Variants in PRH1 observed in about 807,000 individuals in gnomAD.
PRH1 encodes the protein salivary acidic proline-rich phosphoprotein 1/2.
Under a neutral mutation model 7.9 loss-of-function variants are expected in PRH1, and 7 were observed. The ratio of observed to expected loss-of-function variants is 0.89; its 90% CI spans 0.50 to 1.67. The LOEUF (loss-of-function observed/expected upper bound fraction) is 1.67. Ranked by LOEUF, PRH1 falls within the 40% of genes most tolerant of loss-of-function variation. The probability of loss-of-function intolerance (pLI) is 0.00; values close to 1 mark genes in which losing one functional copy is unlikely to be tolerated. For missense variants in PRH1, 109 were observed against 223.6 expected, an observed-to-expected ratio of 0.49 and a Z score of 3.27; for synonymous variants, 45 against 80.8, an observed-to-expected ratio of 0.56 and a Z score of 2.38.
intron 2 of PRH1, among the ~76,000 whole-genome samples, chr12:10,901,726 G>C (rs867440581): frequency 3.9e-5 from 6 of 152,184 alleles, no homozygotes; most frequent in Admixed American, 2.6e-4. Context: ...CCTGCAACCT[G>C]TAAGTGCATA....
intron 1 of PRH1, among the ~76,000 whole-genome samples, chr12:11,068,491 A>G (rs1163522620): frequency 2.0e-5 from 3 of 152,272 alleles, no homozygotes; most frequent in East Asian, 3.9e-4. Context: ...ATTCCATTGT[A>G]TAAGTATGCC....
chr12:11,068,127 C>T lies in PRH1; in HGVS notation n.124-20939G>A, dbSNP rs920247292. On this transcript the variant is annotated intron_variant and non_coding_transcript_variant, in intron 1 of 4. Transcript: ENST00000541977. The stretch of plus-strand genomic sequence containing the variant: ...TATAACATTAACATCGATGTTACCA[C>T]ACCTTGGTCAGAAAATAGAATTTGC... 4.6e-5 allele frequency among the ~76,000 whole-genome samples: 7 copies of T among 152,082 alleles called. No individual in the cohort carries two copies. The East Asian group carries it at 9.6e-4, about 21-fold the overall frequency.
intron 1 of PRH1, among the ~76,000 whole-genome samples, chr12:11,090,198 A>T (rs1264312661): frequency 2.5e-4 from 26 of 103,836 alleles, no homozygotes; most frequent in Non-Finnish European, 4.0e-4. Context: ...AAAATTACAA[A>T]GTTACGGCTC....
chr12:11,088,301 A>C (rs1352998101), intron 1 of PRH1, among the ~76,000 whole-genome samples: 21 of 114,926 alleles, frequency 1.8e-4, no homozygotes, highest in Admixed American at 2.6e-4. Flanking sequence ...TGATCCTGCC[A>C]CTGAACTCCA....
upstream of PRH1, among the ~76,000 whole-genome samples, chr12:11,050,145 A>G (rs1254732833): frequency 1.3e-5 from 2 of 152,116 alleles, no homozygotes; most frequent in Non-Finnish European, 2.9e-5. Context: ...ACACACACAG[A>G]AATATAGTGT....
Position 10,882,695 on chromosome 12 carries a change from C to G in PRH1, c.104G>C (p.Gly35Ala), listed in dbSNP as rs1298570768. The change falls in exon 3 of 4, where the codon GGA (glycine) becomes GCA (alanine). Residue 35 changes from glycine to alanine, a missense_variant. By Grantham distance (60) the Gly-to-Ala change is moderately conservative. Coordinates refer to ENST00000543626, the MANE Select transcript of PRH1 (RefSeq NM_001393989.1). ...QEDVPLVISDGGDSEQFLDEE... is the reference protein window; with the variant it reads ...QEDVPLVISDAGDSEQFLDEE... The stretch of plus-strand genomic sequence containing the variant: ...ATCTAGGAACTGCTCAGAGTCTCCT[C>G]CATCTGTGTGAGTTGAAACAAGAAG... 21 of 1,579,822 alleles carry G rather than the reference C, an allele frequency of 1.3e-5. No individual in the cohort carries two copies. Among genetic ancestry groups the G allele is most frequent in the Non-Finnish European group, 1.8e-5 (21 of 1,165,540 alleles).
Position 10,936,530 on chromosome 12 carries a change from C to T in PRH1, c.-59+37125G>A, listed in dbSNP as rs1488421985. Among the ~76,000 whole-genome samples the T allele has an allele frequency of 2.0e-5, 3 of 152,188 alleles. No individual in the cohort carries two copies. The East Asian group carries it at 5.8e-4, about 29-fold the overall frequency. On this transcript the variant is annotated intron_variant, in intron 2 of 3. Transcript: ENST00000539853. ...CAGGTAACAAACATATATAGTACCCCCAAAACTTTCCTTTATGTTCCTGTG... is the reference window on the plus strand; with the variant it reads ...CAGGTAACAAACATATATAGTACCCTCAAAACTTTCCTTTATGTTCCTGTG...
At chr12:10,898,618 T>C (rs1320810181) in intron 2 of PRH1, among the ~76,000 whole-genome samples, 1 of 152,116 alleles carries the variant, frequency 6.6e-6, no homozygotes, top group Non-Finnish European at 1.5e-5. Context: ...TAATAAAATA[T>C]ATATCATACA....
intron 2 of PRH1, among the ~76,000 whole-genome samples, chr12:10,949,243 G>A (rs1246756642): frequency 2.6e-5 from 4 of 152,200 alleles, no homozygotes; most frequent in African/African-American, 9.6e-5. Context: ...AGTGCAGTCA[G>A]CCCAAGATGG....
At chr12:11,067,322 C>A (rs1943867313) in intron 1 of PRH1, among the ~76,000 whole-genome samples, 1 of 152,140 alleles carries the variant, frequency 6.6e-6, no homozygotes, top group Non-Finnish European at 1.5e-5. Context: ...ACAAATATTT[C>A]ATTTAGAGAC....
At position 10,915,123 on chromosome 12, in the gene PRH1, G is replaced by A. The variant is rs192072137; in HGVS notation, c.-58-30848C>T. 4.6e-5 allele frequency among the ~76,000 whole-genome samples: 7 copies of A among 152,172 alleles called. No homozygotes were observed. The East Asian group carries it at 5.8e-4, about 13-fold the overall frequency. ...AGCCTGGGCCACAGAGTGAGACTCC[G>A]TCTCAAAAAAACAAAAAACAAACAA... On this transcript the variant is annotated intron_variant, in intron 2 of 3. Transcript: ENST00000539853.
In PRH1 at chr12:11,076,227, G is replaced by C. The variant is rs1460481572; in HGVS notation, n.124-29039C>G. 3.4e-5 allele frequency among the ~76,000 whole-genome samples: 5 copies of C among 147,452 alleles called. No individual in the cohort carries two copies. The Admixed American group carries it at 3.4e-4, about 10-fold the overall frequency. On this transcript the variant is annotated intron_variant and non_coding_transcript_variant, in intron 1 of 4. Coordinates refer to the PRH1 transcript ENST00000541977. ...CATTTCCTTCTTATAATAGAACTTG[G>C]TATCAATGGATACATCAACACACTT...
chr12:10,995,106 C>T (rs1023046142), intron 1 of PRH1, among the ~76,000 whole-genome samples: 11 of 152,270 alleles, frequency 7.2e-5, no homozygotes, highest in Non-Finnish European at 1.5e-4. Flanking sequence ...GAAACCAGAA[C>T]AGAAATGTGC....
At chr12:10,888,152 C>T (rs1196352508), upstream of PRH1, among the ~76,000 whole-genome samples, 1 of 152,130 alleles carries the variant, frequency 6.6e-6, no homozygotes, top group East Asian at 1.9e-4. Flanking sequence ...ATCACGTCGC[C>T]CTTGCACTGA....
chr12:11,137,450 G>GTACT (rs1946588782), intron 1 of PRH1, among the ~76,000 whole-genome samples: 1 of 152,142 alleles, frequency 6.6e-6, no homozygotes. Flanking sequence ...TCACTCAAGT[G>GTACT]TGACAGAAGA....
At chr12:11,052,353 C>T (rs376339313) in intron 1 of PRH1, among the ~76,000 whole-genome samples, 2 of 152,342 alleles carry the variant, frequency 1.3e-5, no homozygotes, top group African/African-American at 2.4e-5. Flanking sequence ...CCTTTGAATT[C>T]CTCCTTCCAT....
chr12:11,144,469 T>C (rs1946805799), intron 1 of PRH1, among the ~76,000 whole-genome samples: 1 of 152,150 alleles, frequency 6.6e-6, no homozygotes, highest in Non-Finnish European at 1.5e-5. Context: ...CCGATTCTAT[T>C]TCCAGGCAGA....
At chr12:10,996,943 A>C (rs1368812293) in intron 1 of PRH1, 2 of 1,593,516 alleles carry the variant, frequency 1.3e-6, no homozygotes, top group South Asian at 2.3e-5. Flanking sequence ...ACCTCTTGTG[A>C]ATCTATGGAG....
At chr12:11,030,269 T>G (rs1298506036) in intron 1 of PRH1, 3 of 1,445,574 alleles carry the variant, frequency 2.1e-6, no homozygotes, top group Admixed American at 2.6e-5. Context: ...TAATATTAGG[T>G]CAAAGGCTTT....
Sources: gnomAD v4.1 joint callset for allele counts (sites outside exome capture counted in the v4.1 genomes callset) on GRCh38, gnomAD v4.1.1 for gene constraint, MANE v1.5 for transcripts, NCBI Gene and HGNC (gene_info 2026-07-23, HGNC 2026-07-21) for gene names.